DPY19L1: variants seen among roughly 807,000 people sequenced by gnomAD.
DPY19L1 encodes dpy-19 like C-mannosyltransferase 1, also known as protein C-mannosyl-transferase DPY19L1.
In DPY19L1, 35 loss-of-function variants were observed where a neutral mutation model predicts 96.9. The observed-to-expected ratio is 0.36, with a 90% CI of 0.28 to 0.48. DPY19L1 has a LOEUF of 0.48. Among genes scored for constraint, DPY19L1 ranks in the 20% least tolerant of loss-of-function variants. DPY19L1 has a pLI of 0.99. For missense variants in DPY19L1, 521 were observed against 777.9 expected, an observed-to-expected ratio of 0.67 and a Z score of 3.93; for synonymous variants, 205 against 252.6, an observed-to-expected ratio of 0.81 and a Z score of 1.79.
At chr7:35,012,051 G>A (rs746182485) in intron 4 of DPY19L1, among the ~76,000 whole-genome samples, 16 of 152,230 alleles carry the variant, frequency 1.1e-4, no homozygotes, top group Non-Finnish European at 1.9e-4. Context: ...CAGCTGGTTA[G>A]AAGACTGGTG....
chr7:34,974,749 T>C (rs755840366), intron 7 of DPY19L1, among the ~76,000 whole-genome samples: 4 of 152,192 alleles, frequency 2.6e-5, no homozygotes, highest in Non-Finnish European at 4.4e-5. Flanking sequence ...ATAACGTCTG[T>C]CACAAATTGA....
intron 6 of DPY19L1, among the ~76,000 whole-genome samples, chr7:35,002,067 C>A (rs1413584683): frequency 6.9e-6 from 1 of 145,340 alleles, no homozygotes. Flanking sequence ...GCCAAGGTTG[C>A]AGTGAGTCAA....
intron 17 of DPY19L1, 98 bp downstream of exon 17, chr7:34,942,517 G>T: frequency 2.1e-6 from 2 of 953,756 alleles, no homozygotes; most frequent in South Asian, 1.5e-5. Context: ...GATGATTGCT[G>T]ACAATTGCCA....
rs527801042 is a variant in DPY19L1 at position 35,034,521 on chromosome 7, C to A, written c.298+2576G>T. ...GAACCCCTCTTTACAAATATTAGCA[C>A]TAAATAAGTAGCAAATAATGCCCCA... On this transcript the variant is annotated intron_variant, in intron 1 of 21. Coordinates refer to ENST00000638088, the MANE Select transcript of DPY19L1 (RefSeq NM_001366673.1). 3.9e-5 allele frequency among the ~76,000 whole-genome samples: 6 copies of A among 152,240 alleles called. No homozygotes were observed. In the East Asian group the frequency reaches 9.6e-4, roughly 24 times the overall value.
intron 18 of DPY19L1, among the ~76,000 whole-genome samples, chr7:34,941,554 G>A (rs531287510): frequency 2.6e-5 from 4 of 152,088 alleles, no homozygotes; most frequent in Admixed American, 1.3e-4. Flanking sequence ...GTACTAAATC[G>A]GTATTAGTTG....
At chr7:34,979,581 T>C (rs547236844) in intron 7 of DPY19L1, among the ~76,000 whole-genome samples, 1 of 152,208 alleles carries the variant, frequency 6.6e-6, no homozygotes, top group East Asian at 1.9e-4. Context: ...GGTAATGACA[T>C]TAGTGTAGTA....
Position 34,939,259 on chromosome 7 carries a change from CA to C in DPY19L1, c.1964+16del. 6.2e-7 allele frequency: 1 copy of C among 1,608,928 alleles called. No individual in the cohort carries two copies. Among genetic ancestry groups the C allele is most frequent in the Non-Finnish European group, 8.5e-7 (1 of 1,177,566 alleles). On this transcript the variant is annotated intron_variant, in intron 20 of 21. Transcript: ENST00000638088. ...GCATGGGAGGTTTGTTTTGATGATG[CA>C]AGACTGTGCACTGACCTCAAGCCTG...
At position 34,942,959 on chromosome 7, in the gene DPY19L1, G is replaced by A. The variant is rs144457709; in HGVS notation, c.1545-320C>T. On this transcript the variant is annotated intron_variant, in intron 16 of 21. Coordinates refer to ENST00000638088, the MANE Select transcript of DPY19L1 (RefSeq NM_001366673.1). ...AAAGCATGGAATGAAAAAAACCTTTGAGATTTTCACTAGGCAACCAAGTAG... is the reference window on the plus strand; with the variant it reads ...AAAGCATGGAATGAAAAAAACCTTTAAGATTTTCACTAGGCAACCAAGTAG... Among the ~76,000 whole-genome samples, 722 of 152,286 alleles carry A rather than the reference G, an allele frequency of 4.7e-3. 4 individuals carry two copies. Among genetic ancestry groups the A allele is most frequent in the Admixed American group, 9.4e-3 (143 of 15,294 alleles).
intron 7 of DPY19L1, among the ~76,000 whole-genome samples, chr7:34,989,657 CAG>C (rs1785124778): frequency 1.4e-5 from 2 of 146,306 alleles, no homozygotes; most frequent in African/African-American, 5.0e-5. Flanking sequence ...AAAAAAAAAA[CAG>C]AATTGATACA....
At chr7:35,003,965 C>T (rs1176054288) in intron 6 of DPY19L1, among the ~76,000 whole-genome samples, 2 of 152,220 alleles carry the variant, frequency 1.3e-5, no homozygotes, top group South Asian at 2.1e-4. Flanking sequence ...CGGAGAGGGG[C>T]TCCTTGAACA....
chr7:35,014,394 G>A (rs1358853567), intron 3 of DPY19L1, among the ~76,000 whole-genome samples: 32 of 139,926 alleles, frequency 2.3e-4, no homozygotes, highest in Non-Finnish European at 1.1e-4. Context: ...AATAATATGT[G>A]AGACAAAAAA....
intron 7 of DPY19L1, among the ~76,000 whole-genome samples, chr7:34,987,398 A>T (rs1382925855): frequency 6.6e-6 from 1 of 152,100 alleles, no homozygotes; most frequent in African/African-American, 2.4e-5. Flanking sequence ...TTATTTAATA[A>T]TCTATTAAGC....
chr7:35,024,085 C>T lies in DPY19L1; in HGVS notation c.299-5489G>A, dbSNP rs969175273. 9.2e-5 allele frequency among the ~76,000 whole-genome samples: 14 copies of T among 152,096 alleles called. No individual in the cohort carries two copies. The South Asian group carries it at 1.2e-3, about 14-fold the overall frequency. On this transcript the variant is annotated intron_variant, in intron 1 of 21. Transcript: ENST00000638088. ...TCTCCTGGCCTTGTGATCCCCCCGCCTCAGCCTCCCAAAGTGCCGGGATAA... is the reference window on the plus strand; with the variant it reads ...TCTCCTGGCCTTGTGATCCCCCCGCTTCAGCCTCCCAAAGTGCCGGGATAA...
intron 6 of DPY19L1, among the ~76,000 whole-genome samples, chr7:34,994,566 G>A (rs1785241793): frequency 2.0e-5 from 3 of 152,136 alleles, no homozygotes; most frequent in Admixed American, 1.3e-4. Context: ...AGCACTTTGG[G>A]AGGCTGAGGC....
In DPY19L1 at chr7:35,013,648, C is replaced by T; in HGVS notation, c.469G>A (p.Val157Ile). 18 of 1,606,502 alleles carry T rather than the reference C, an allele frequency of 1.1e-5. No homozygotes were observed. Among genetic ancestry groups the T allele is most frequent in the Non-Finnish European group, 1.5e-5 (18 of 1,174,602 alleles). Reference protein sequence around the residue: ...IVEAPSFLNGVWMIMNDKLTE... With the variant: ...IVEAPSFLNGIWMIMNDKLTE... ...AGTTTATCATTCATAATCATCCATA[C>T]TCCATTCAAAAATGAGGGTGCTTCC... The change falls in exon 4 of 22, where the codon GTA becomes ATA. Residue 157 changes from valine to isoleucine, a missense_variant. Val to Ile is a conservative substitution (Grantham distance 29). Coordinates refer to ENST00000638088, the MANE Select transcript of DPY19L1 (RefSeq NM_001366673.1).
intron 9 of DPY19L1, among the ~76,000 whole-genome samples, chr7:34,968,733 C>T (rs1419453737): frequency 2.7e-5 from 3 of 111,402 alleles, no homozygotes; most frequent in Non-Finnish European, 4.9e-5. Context: ...TGCGCCACTG[C>T]ATTCTAGCCT....
intron 7 of DPY19L1, among the ~76,000 whole-genome samples, chr7:34,979,898 A>G (rs1784904279): frequency 6.6e-6 from 1 of 152,094 alleles, no homozygotes; most frequent in African/African-American, 2.4e-5. Flanking sequence ...AAGAGAGGGA[A>G]GTAGTGACAA....
At chr7:34,941,280 C>G (rs997728165) in intron 18 of DPY19L1, among the ~76,000 whole-genome samples, 1 of 151,752 alleles carries the variant, frequency 6.6e-6, no homozygotes, top group African/African-American at 2.4e-5. Context: ...AGGCAGCTAT[C>G]CAGGAAAAAT....
chr7:35,013,807 T>C (rs375333717), intron 3 of DPY19L1, 102 bp from the exon 4 acceptor site: 7 of 814,042 alleles, frequency 8.6e-6, no homozygotes, highest in Non-Finnish European at 1.3e-5. Flanking sequence ...AATTAAGTAA[T>C]AGCTATTAAT....
Sources: gnomAD v4.1 joint callset for allele counts (sites outside exome capture counted in the v4.1 genomes callset) on GRCh38, gnomAD v4.1.1 for gene constraint, MANE v1.5 for transcripts, NCBI Gene and HGNC (gene_info 2026-07-23, HGNC 2026-07-21) for gene names.